The following TENM3 variants were observed in gnomAD, a reference collection of about 807,000 sequenced individuals.
TENM3 encodes the protein teneurin transmembrane protein 3, also known as teneurin-3.
Under a neutral mutation model 255.1 loss-of-function variants are expected in TENM3, and 63 were observed. The ratio of observed to expected loss-of-function variants is 0.25; its 90% CI spans 0.20 to 0.30. The LOEUF (loss-of-function observed/expected upper bound fraction) is 0.30, where lower values mean the gene tolerates loss of function less well. TENM3 is among the 10% of genes least tolerant of loss of function. The pLI is 1.00. For synonymous variants in TENM3, 1,306 were observed against 1,322.3 expected, an observed-to-expected ratio of 0.99 and a Z score of 0.27; for missense variants, 2,929 against 3,461.1, an observed-to-expected ratio of 0.85 and a Z score of 3.86.
chr4:182,648,991 T>C (rs923579537), intron 5 of TENM3, among the ~76,000 whole-genome samples: 1 of 152,164 alleles, frequency 6.6e-6, no homozygotes, highest in Admixed American at 6.5e-5. Context: ...GATGTCCAGT[T>C]TGGGGTTGTT....
chr4:182,159,542 A>G (rs1224917751), intron 1 of TENM3, among the ~76,000 whole-genome samples: 1 of 151,980 alleles, frequency 6.6e-6, no homozygotes, highest in African/African-American at 2.4e-5. Flanking sequence ...AGGAGCTCTC[A>G]TTTAGGGAAG....
chr4:182,203,272 C>T (rs1366399311), intron 1 of TENM3, among the ~76,000 whole-genome samples: 2 of 151,910 alleles, frequency 1.3e-5, no homozygotes, highest in East Asian at 1.9e-4. Flanking sequence ...CTTTTGGTTC[C>T]TTCTCCTCCA....
chr4:182,482,675 G>A (rs939712271), intron 3 of TENM3, among the ~76,000 whole-genome samples: 1 of 152,096 alleles, frequency 6.6e-6, no homozygotes, highest in Non-Finnish European at 1.5e-5. Context: ...CTTGTACATG[G>A]CAAGACAGCA....
chr4:181,852,828 G>C, the TENM3 span, among the ~76,000 whole-genome samples: 1 of 152,176 alleles, frequency 6.6e-6, no homozygotes, highest in African/African-American at 2.4e-5. Context: ...GGGAGGATGA[G>C]CAACACCTTA....
chr4:182,276,007 G>A (rs1321538497), intron 1 of TENM3, among the ~76,000 whole-genome samples: 2 of 152,142 alleles, frequency 1.3e-5, no homozygotes, highest in Non-Finnish European at 2.9e-5. Flanking sequence ...AGAGGAATAA[G>A]GGAGCTGCTT....
At chr4:182,263,459 C>T (rs1393371179) in intron 1 of TENM3, among the ~76,000 whole-genome samples, 4 of 152,240 alleles carry the variant, frequency 2.6e-5, no homozygotes, top group African/African-American at 9.6e-5. Flanking sequence ...ATAAAGTCCG[C>T]CTCTGCTAAG....
chr4:182,215,065 C>T (rs979631302), intron 1 of TENM3, among the ~76,000 whole-genome samples: 1 of 152,118 alleles, frequency 6.6e-6, no homozygotes, highest in Non-Finnish European at 1.5e-5. Context: ...TGAAACTCAA[C>T]AGTAAAAGAA....
At chr4:182,488,743 T>C (rs537911443) in intron 3 of TENM3, among the ~76,000 whole-genome samples, 2 of 152,284 alleles carry the variant, frequency 1.3e-5, no homozygotes, top group Admixed American at 1.3e-4. Context: ...GTTTTCATTT[T>C]AGTTGAGGGA....
rs544505728 is a variant in TENM3, at chr4:182,791,418, C to G, written c.5602-856C>G. ...CTTGACTTAACCAGCCTGGGATGAC[C>G]TTCTCTCACATTTGTTGGCCTAGTA... is the stretch of plus-strand genomic sequence containing the variant. On this transcript the variant is annotated intron_variant, in intron 25 of 27. Transcript: ENST00000511685. 1.0e-3 allele frequency among the ~76,000 whole-genome samples: 152 copies of G among 152,306 alleles called. 1 individual carries two copies. Among genetic ancestry groups the G allele is most frequent in the African/African-American group, 3.4e-3 (143 of 41,572 alleles).
the TENM3 span, among the ~76,000 whole-genome samples, chr4:181,903,769 C>T: frequency 2.0e-5 from 3 of 152,258 alleles, no homozygotes; most frequent in Admixed American, 2.0e-4. Context: ...GAGGAGGGCC[C>T]CTCCTGGTTC....
Position 182,217,217 on chromosome 4 carries a change from C to T in TENM3, c.-76+72463C>T, listed in dbSNP as rs192375596. 1.7e-4 allele frequency among the ~76,000 whole-genome samples: 26 copies of T among 151,766 alleles called. No individual in the cohort carries two copies. The East Asian group carries it at 4.9e-3, about 28-fold the overall frequency. On this transcript the variant is annotated intron_variant, in intron 1 of 2. Coordinates refer to the TENM3 transcript ENST00000512480. The stretch of plus-strand genomic sequence containing the variant: ...TGTATTTTTAGTAGAGACAGGGTTT[C>T]GTCCTGTTGGCCAGGCTGGTCTCAA...
chr4:181,813,627 A>T, the TENM3 span, among the ~76,000 whole-genome samples: 6 of 152,246 alleles, frequency 3.9e-5, no homozygotes, highest in Non-Finnish European at 1.5e-5. Context: ...GGGATAGTCC[A>T]GAAATGAGAT....
chr4:181,806,282 G>A, the TENM3 span, among the ~76,000 whole-genome samples: 1 of 152,108 alleles, frequency 6.6e-6, no homozygotes, highest in African/African-American at 2.4e-5. Flanking sequence ...AGTTACATCT[G>A]TCATCCCCAC....
the TENM3 span, among the ~76,000 whole-genome samples, chr4:181,831,030 TTC>T: frequency 1.8e-4 from 27 of 152,204 alleles, no homozygotes; most frequent in Non-Finnish European, 3.7e-4. Context: ...TTAAAAATCT[TTC>T]TCTCTTTCCA....
chr4:182,070,553 G>A, the TENM3 span, among the ~76,000 whole-genome samples: 83 of 152,268 alleles, frequency 5.5e-4, no homozygotes, highest in African/African-American at 1.9e-3. Flanking sequence ...GGAGGTGGAG[G>A]ATGCAGTGAG....
intron 11 of TENM3, among the ~76,000 whole-genome samples, chr4:182,686,862 A>G (rs751082633): frequency 2.0e-5 from 3 of 152,164 alleles, no homozygotes; most frequent in African/African-American, 4.8e-5. Context: ...GGTTGATGTT[A>G]TGTTGCTCTG....
At chr4:182,485,028 A>T (rs1026154534) in intron 3 of TENM3, among the ~76,000 whole-genome samples, 1 of 152,144 alleles carries the variant, frequency 6.6e-6, no homozygotes, top group Non-Finnish European at 1.5e-5. Context: ...ATAGTTTATT[A>T]ATAATTCAAA....
At chr4:182,221,545 T>C (rs1050581098) in intron 1 of TENM3, among the ~76,000 whole-genome samples, 11 of 152,232 alleles carry the variant, frequency 7.2e-5, no homozygotes, top group Non-Finnish European at 1.0e-4. Flanking sequence ...ACTATATTAG[T>C]TTCCATCCTT....
At chr4:182,561,977 T>C (rs939729532) in intron 3 of TENM3, among the ~76,000 whole-genome samples, 1 of 138,520 alleles carries the variant, frequency 7.2e-6, no homozygotes. Context: ...TCCAGATAGA[T>C]AGATAGACAG....
Sources: allele counts gnomAD v4.1 joint callset (sites outside exome capture counted in the v4.1 genomes callset), GRCh38; gene constraint gnomAD v4.1.1; transcripts MANE v1.5; gene names NCBI Gene and HGNC (gene_info 2026-07-23, HGNC 2026-07-21).